The following FAM184A variants were observed in gnomAD, a reference collection of about 807,000 sequenced individuals.
The protein encoded by FAM184A is protein FAM184A.
FAM184A carries 99 observed loss-of-function variants against 143.8 expected under a neutral mutation model. The ratio of observed to expected loss-of-function variants is 0.69; its 90% CI spans 0.58 to 0.81. The LOEUF (loss-of-function observed/expected upper bound fraction) is 0.81, where lower values mean the gene tolerates loss of function less well. Ranked by LOEUF, FAM184A falls within the 40% of genes least tolerant of loss-of-function variation. The pLI, the probability that FAM184A is intolerant of heterozygous loss-of-function variation, is 0.00. For synonymous variants in FAM184A, 427 were observed against 446.4 expected (o/e 0.96, Z 0.55); for missense variants, 1,217 against 1,310.5 (o/e 0.93, Z 1.10).
At chr6:119,034,831 A>G (rs1345821965) in intron 1 of FAM184A, among the ~76,000 whole-genome samples, 5 of 151,954 alleles carry the variant, frequency 3.3e-5, no homozygotes, top group South Asian at 4.2e-4. Context: ...CTTTCCCCCA[A>G]CCCTATGCTA....
At chr6:119,003,261 C>T (rs1784820103) in intron 8 of FAM184A, among the ~76,000 whole-genome samples, 1 of 152,072 alleles carries the variant, frequency 6.6e-6, no homozygotes, top group Non-Finnish European at 1.5e-5. Context: ...AGAATAGGTA[C>T]CAGAACAAAT....
At position 119,133,430 on chromosome 6, in the gene FAM184A, A is replaced by G. The variant is rs569022201; in HGVS notation, c.-202+15648T>C. On this transcript the variant is annotated intron_variant, in intron 1 of 16. Transcript: ENST00000352896. ...GTTCTTGTTGTTAGCACCTATGGAA[A>G]GGAAAGGAAGGAAGTAGGATTGGGC... is the stretch of plus-strand genomic sequence containing the variant. Among the ~76,000 whole-genome samples the G allele has an allele frequency of 4.6e-5, 7 of 152,188 alleles. No individual in the cohort carries two copies. The South Asian group carries it at 1.4e-3, about 32-fold the overall frequency.
intron 6 of FAM184A, among the ~76,000 whole-genome samples, chr6:119,007,811 C>T (rs1019317104): frequency 2.6e-5 from 4 of 151,808 alleles, no homozygotes; most frequent in Admixed American, 6.6e-5. Flanking sequence ...TGTGGTGGCG[C>T]GCGACTGTAA....
chr6:119,138,887 A>G (rs1772112608), intron 1 of FAM184A, among the ~76,000 whole-genome samples: 1 of 152,114 alleles, frequency 6.6e-6, no homozygotes, highest in South Asian at 2.1e-4. Flanking sequence ...TCGGCCTCCA[A>G]AATGCTGGGA....
intron 1 of FAM184A, among the ~76,000 whole-genome samples, chr6:119,075,264 C>T (rs1787831319): frequency 6.6e-6 from 1 of 152,132 alleles, no homozygotes; most frequent in Admixed American, 6.5e-5. Flanking sequence ...AAAATAAGTA[C>T]ACTATCACAC....
intron 1 of FAM184A, among the ~76,000 whole-genome samples, chr6:119,115,305 A>G (rs2114853156): frequency 6.6e-6 from 1 of 152,366 alleles, no homozygotes; most frequent in African/African-American, 2.4e-5. Flanking sequence ...AAAGGGAAAT[A>G]AATAAGATAC....
At chr6:119,076,396 T>C (rs1056488932) in intron 1 of FAM184A, among the ~76,000 whole-genome samples, 3 of 152,204 alleles carry the variant, frequency 2.0e-5, no homozygotes, top group African/African-American at 7.2e-5. Context: ...TTGAGAGCAC[T>C]GGCCTGAGAG....
intron 1 of FAM184A, among the ~76,000 whole-genome samples, chr6:119,126,546 G>A (rs189172698): frequency 3.7e-4 from 57 of 152,304 alleles, no homozygotes; most frequent in Non-Finnish European, 7.2e-4. Context: ...TCCGGGCACC[G>A]GCAAGAGCAA....
chr6:119,092,183 G>A (rs1788388619), intron 1 of FAM184A, among the ~76,000 whole-genome samples: 1 of 152,150 alleles, frequency 6.6e-6, no homozygotes, highest in African/African-American at 2.4e-5. Flanking sequence ...TGTCACCCAG[G>A]CTGGAGTGCA....
intron 4 of FAM184A, 123 bp downstream of exon 4, chr6:119,019,855 A>G: frequency 1.2e-6 from 1 of 847,902 alleles, no homozygotes; most frequent in Non-Finnish European, 1.7e-6. Flanking sequence ...AACCAAAAAT[A>G]ACTACTAAAG....
At chr6:119,123,026 A>G (rs1789267285) in intron 1 of FAM184A, among the ~76,000 whole-genome samples, 1 of 140,050 alleles carries the variant, frequency 7.1e-6, no homozygotes, top group Admixed American at 7.0e-5. Flanking sequence ...AGCAGAGGAC[A>G]TGAAAACCCT....
chr6:119,096,650 A>G lies in FAM184A; in HGVS notation c.-202+52428T>C, dbSNP rs1788517905. ...AGAGCGAGACTCCATCTCAAAAAAA[A>G]AAAAAAAAAAAAAAAAAGAAAGAAA... On this transcript the variant is annotated intron_variant, in intron 1 of 16. Coordinates refer to the FAM184A transcript ENST00000352896. Among the ~76,000 whole-genome samples the G allele has an allele frequency of 6.5e-5, 2 of 30,986 alleles. 1 individual carries two copies. The highest frequency in any genetic ancestry group is 9.5e-4 in the Admixed American group (2 of 2,110). The allele number at this position is 30,986 out of a possible 152,430, so 20.3% of individuals were successfully genotyped here. A position where few individuals can be genotyped will look rare whatever the true frequency, so the allele number is the denominator to read the frequency against.
intron 1 of FAM184A, among the ~76,000 whole-genome samples, chr6:119,144,445 C>G (rs1173759363): frequency 6.6e-6 from 1 of 152,116 alleles, no homozygotes; most frequent in African/African-American, 2.4e-5. Context: ...GGCCTGGAAG[C>G]CGACAGCTCT....
Position 118,974,445 on chromosome 6 carries a change from A to C in FAM184A, c.2898T>G (p.Asn966Lys). Residue 966 changes from asparagine (N) to lysine (K), a missense_variant, in exon 14 of 18, where the codon AAT (asparagine) becomes AAG (lysine). Asn to Lys is a moderately conservative substitution (Grantham distance 94). Transcript: ENST00000338891. Reference protein sequence around the residue: ...NKTNELLKEINAALQVSLEEM... With the variant: ...NKTNELLKEIKAALQVSLEEM... ...TGACTTACGACACTTGTAAAGCGGC[A>C]TTTATTTCCTTGAGTAGCTCGTTAG... The C allele has an allele frequency of 6.2e-7, 1 of 1,609,608 alleles. No individual in the cohort carries two copies. Among genetic ancestry groups the C allele is most frequent in the Non-Finnish European group, 8.5e-7 (1 of 1,178,038 alleles).
At chr6:119,147,027 G>A (rs1772461918) in intron 1 of FAM184A, among the ~76,000 whole-genome samples, 1 of 151,326 alleles carries the variant, frequency 6.6e-6, no homozygotes, top group Admixed American at 6.6e-5. Flanking sequence ...CCTAGTTAGA[G>A]GCACTAAGAC....
chr6:119,024,163 C>T lies in FAM184A; in HGVS notation c.810G>A (p.Gln270=), dbSNP rs899156316. ...CCTGTAGGCTTTCTGCTGTAAAAAG[C>T]TGTGACCTTTTCAAAGTATCAAGCT... ...ERELDTLKRS[Q]LFTAESLQAS... is the part of the protein sequence containing the mutation. Residue 270 remains glutamine (Q), a synonymous_variant, in exon 2 of 18, where the codon CAG becomes CAA. Transcript: ENST00000338891. 2.5e-6 allele frequency: 4 copies of T among 1,614,098 alleles called. No individual in the cohort carries two copies. Among genetic ancestry groups the T allele is most frequent in the Non-Finnish European group, 1.7e-6 (2 of 1,180,048 alleles).
rs571801949 is a variant in FAM184A at position 118,965,185 on chromosome 6, C to T, written c.3034-414G>A. On this transcript the variant is annotated intron_variant, in intron 15 of 17. Coordinates refer to ENST00000338891, the MANE Select transcript of FAM184A (RefSeq NM_024581.6). The stretch of plus-strand genomic sequence containing the variant: ...TTTTATAGGCATGTGCCACCATACC[C>T]AGCTAAGTTTTTTTTGTTTGTTTTT... 5.6e-5 allele frequency among the ~76,000 whole-genome samples: 8 copies of T among 144,090 alleles called. 1 individual carries two copies. In the South Asian group the frequency reaches 1.8e-3, roughly 32 times the overall value. 94.5% of individuals were successfully genotyped at this position (144,090 alleles called of 152,430 possible).
chr6:119,049,109 T>C (rs1387982002), intron 1 of FAM184A, among the ~76,000 whole-genome samples: 2 of 152,162 alleles, frequency 1.3e-5, no homozygotes, highest in Non-Finnish European at 2.9e-5. Context: ...CTTCAAACTA[T>C]ACTACAGGGC....
chr6:119,098,001 G>T (rs1788551256), intron 1 of FAM184A, among the ~76,000 whole-genome samples: 1 of 152,178 alleles, frequency 6.6e-6, no homozygotes, highest in African/African-American at 2.4e-5. Flanking sequence ...TTTGCATCAG[G>T]AGGAGGGAGG....
Sources: gnomAD v4.1 joint callset for allele counts (sites outside exome capture counted in the v4.1 genomes callset) on GRCh38, gnomAD v4.1.1 for gene constraint, MANE v1.5 for transcripts, NCBI Gene and HGNC (gene_info 2026-07-23, HGNC 2026-07-21) for gene names.